RSRC1: variants seen among roughly 807,000 people sequenced by gnomAD.
RSRC1 encodes the protein arginine and serine rich coiled-coil 1, also known as serine/Arginine-related protein 53.
Under a neutral mutation model 49.1 loss-of-function variants are expected in RSRC1, and 39 were observed. The observed-to-expected ratio is 0.79, with a 90% CI of 0.61 to 1.04. The LOEUF is 1.04. Ranked by LOEUF, RSRC1 falls within the 50% of genes least tolerant of loss-of-function variation. The probability of loss-of-function intolerance (pLI) is 0.00; values close to 1 mark genes in which losing one functional copy is unlikely to be tolerated. For synonymous variants in RSRC1, 143 were observed against 130.8 expected, an observed-to-expected ratio of 1.09 and a Z score of -0.63; for missense variants, 388 against 402.4, an observed-to-expected ratio of 0.96 and a Z score of 0.31.
In RSRC1 at chr3:158,228,271, CAG is replaced by C. The variant is rs561376787; in HGVS notation, c.494+25028_494+25029del. Reference sequence around the variant, plus strand: ...GCTGACAGACCTGGTAAAAGAATGACAGAATACTCAGGGAATAAGTAATCTGG... The same window carrying C: ...GCTGACAGACCTGGTAAAAGAATGACAATACTCAGGGAATAAGTAATCTGG... On this transcript the variant is annotated intron_variant, in intron 4 of 9. Coordinates refer to ENST00000611884, the MANE Select transcript of RSRC1 (RefSeq NM_001271838.2). Among the ~76,000 whole-genome samples the C allele has an allele frequency of 1.0e-3, 159 of 152,052 alleles. No homozygotes were observed. The South Asian group carries it at 0.012, about 11-fold the overall frequency.
At chr3:158,132,732 A>G (rs1426007752) in intron 3 of RSRC1, among the ~76,000 whole-genome samples, 9 of 152,152 alleles carry the variant, frequency 5.9e-5, no homozygotes, top group Admixed American at 5.9e-4. Context: ...CTTTTCTCAA[A>G]TATTACCCTC....
At chr3:158,440,956 T>C (rs1736351331) in intron 6 of RSRC1, among the ~76,000 whole-genome samples, 1 of 151,830 alleles carries the variant, frequency 6.6e-6, no homozygotes, top group African/African-American at 2.4e-5. Flanking sequence ...AGAAAAAAAA[T>C]GAAAGAAAAT....
intron 4 of RSRC1, among the ~76,000 whole-genome samples, chr3:158,288,645 G>A (rs1395854831): frequency 6.6e-6 from 1 of 152,098 alleles, no homozygotes; most frequent in East Asian, 1.9e-4. Flanking sequence ...ACATACCAAA[G>A]TCTATGGATT....
At chr3:158,192,835 A>G (rs986426438) in intron 3 of RSRC1, among the ~76,000 whole-genome samples, 7 of 152,068 alleles carry the variant, frequency 4.6e-5, no homozygotes, top group Admixed American at 3.3e-4. Context: ...AGACAAGGAT[A>G]TTAGTACTTC....
At chr3:158,515,104 T>C (rs1340178617) in intron 7 of RSRC1, among the ~76,000 whole-genome samples, 2 of 148,944 alleles carry the variant, frequency 1.3e-5, no homozygotes, top group Non-Finnish European at 3.0e-5. Flanking sequence ...ATTGGAGCAT[T>C]TAGTCCATTT....
At chr3:158,407,132 T>C (rs1284775353) in intron 6 of RSRC1, among the ~76,000 whole-genome samples, 1 of 152,170 alleles carries the variant, frequency 6.6e-6, no homozygotes, top group Non-Finnish European at 1.5e-5. Flanking sequence ...AAAACTACTT[T>C]GTCCTCTTTG....
At chr3:158,489,082 T>G (rs567357743) in intron 7 of RSRC1, among the ~76,000 whole-genome samples, 2 of 152,338 alleles carry the variant, frequency 1.3e-5, no homozygotes, top group African/African-American at 4.8e-5. Context: ...GCTTGTATTT[T>G]AATCCACTTA....
intron 6 of RSRC1, among the ~76,000 whole-genome samples, chr3:158,425,133 G>A (rs1176391843): frequency 5.3e-5 from 8 of 151,750 alleles, no homozygotes; most frequent in African/African-American, 1.7e-4. Context: ...TTTTGAATGT[G>A]TTTGCTCTTG....
At chr3:158,412,485 G>T in intron 6 of RSRC1, among the ~76,000 whole-genome samples, 1 of 152,022 alleles carries the variant, frequency 6.6e-6, no homozygotes, top group Non-Finnish European at 1.5e-5. Flanking sequence ...GACTGTGTTA[G>T]ACTTATATAT....
chr3:158,135,105 A>G (rs527481362), intron 3 of RSRC1, among the ~76,000 whole-genome samples: 5 of 152,286 alleles, frequency 3.3e-5, no homozygotes, highest in African/African-American at 9.6e-5. Context: ...TTGGCTTATC[A>G]TCTCAATATT....
intron 5 of RSRC1, among the ~76,000 whole-genome samples, chr3:158,319,463 A>G (rs778694097): frequency 6.6e-6 from 1 of 152,142 alleles, no homozygotes; most frequent in African/African-American, 2.4e-5. Context: ...TAGCAGTGTG[A>G]AAATGGACTA....
intron 4 of RSRC1, among the ~76,000 whole-genome samples, chr3:158,213,405 C>T (rs16828770): frequency 0.077 from 11,658 of 151,826 alleles, 548 homozygotes; most frequent in South Asian, 0.13. Context: ...GGGGTTAATG[C>T]TTTTCATTTA....
At chr3:158,185,558 A>G (rs1719881796) in intron 3 of RSRC1, among the ~76,000 whole-genome samples, 1 of 151,924 alleles carries the variant, frequency 6.6e-6, no homozygotes, top group Non-Finnish European at 1.5e-5. Context: ...TTTAAAAATT[A>G]TTCATTCTAC....
At chr3:158,400,804 C>G (rs893749374) in intron 6 of RSRC1, among the ~76,000 whole-genome samples, 11 of 151,946 alleles carry the variant, frequency 7.2e-5, no homozygotes, top group Non-Finnish European at 1.6e-4. Context: ...GATAGATTGC[C>G]TAAGTATATA....
At chr3:158,153,829 A>G (rs1239314590) in intron 3 of RSRC1, among the ~76,000 whole-genome samples, 5 of 99,094 alleles carry the variant, frequency 5.0e-5, no homozygotes, top group Admixed American at 2.0e-4. Context: ...TGTTATTGGT[A>G]TATAAAACTT....
chr3:158,471,272 G>A (rs1738123793), intron 7 of RSRC1, among the ~76,000 whole-genome samples: 1 of 152,278 alleles, frequency 6.6e-6, no homozygotes, highest in Admixed American at 6.5e-5. Context: ...GAGTGATTTG[G>A]ATATCAACAA....
At chr3:158,146,424 A>G (rs936613285) in intron 3 of RSRC1, among the ~76,000 whole-genome samples, 5 of 152,130 alleles carry the variant, frequency 3.3e-5, no homozygotes, top group African/African-American at 4.8e-5. Flanking sequence ...TATATGCTGG[A>G]TTACGTTTAT....
At chr3:158,512,099 G>C (rs1247497282) in intron 7 of RSRC1, among the ~76,000 whole-genome samples, 1 of 148,330 alleles carries the variant, frequency 6.7e-6, no homozygotes, top group Non-Finnish European at 1.5e-5. Flanking sequence ...AGTTTCTTTT[G>C]CTGTGCAGAA....
chr3:158,450,725 G>T, intron 6 of RSRC1, among the ~76,000 whole-genome samples: 1 of 151,830 alleles, frequency 6.6e-6, no homozygotes, highest in East Asian at 1.9e-4. Context: ...GAGTTTTTAG[G>T]TTATCTGTTG....
Sources: allele counts gnomAD v4.1 joint callset (sites outside exome capture counted in the v4.1 genomes callset), GRCh38; gene constraint gnomAD v4.1.1; transcripts MANE v1.5; gene names NCBI Gene and HGNC (gene_info 2026-07-23, HGNC 2026-07-21).